The following CRK variants were observed in gnomAD, a reference collection of about 807,000 sequenced individuals.
CRK encodes adapter molecule crk.
In CRK, 4 loss-of-function variants were observed where a neutral mutation model predicts 29.8. That is an observed-to-expected ratio of 0.13 (90% CI 0.07 to 0.31). The LOEUF (loss-of-function observed/expected upper bound fraction) is 0.31. CRK is among the 10% of genes least tolerant of loss of function. CRK has a pLI of 1.00. For missense variants in CRK, 274 were observed against 396.5 expected (o/e 0.69, Z 2.62); for synonymous variants, 153 against 164.9 (o/e 0.93, Z 0.55).
intron 1 of CRK, among the ~76,000 whole-genome samples, chr17:1,453,980 C>G (rs2074037636): frequency 6.6e-6 from 1 of 152,092 alleles, no homozygotes; most frequent in African/African-American, 2.4e-5. Context: ...GCGAGTGGAT[C>G]ACCTGAGATC....
chr17:1,424,067 G>GTTTTTTTT (rs58338503), intron 2 of CRK, among the ~76,000 whole-genome samples: 14 of 109,826 alleles, frequency 1.3e-4, no homozygotes, highest in Non-Finnish European at 2.1e-4. Flanking sequence ...AGCTTTCTCC[G>GTTTTTTTT]TTTTTTTTTT....
intron 2 of CRK, among the ~76,000 whole-genome samples, chr17:1,427,249 C>T (rs115439733): frequency 2.0e-5 from 3 of 148,988 alleles, no homozygotes; most frequent in Admixed American, 1.3e-4. Flanking sequence ...AAGTGCACCA[C>T]TGCACCCCAC....
Position 1,422,873 on chromosome 17 carries a change from T to C in CRK, c.*640A>G. The C allele has an allele frequency of 5.0e-6, 2 of 398,726 alleles. No homozygotes were observed. The highest frequency in any genetic ancestry group is 8.8e-6 in the Non-Finnish European group (2 of 226,100). 24.7% of individuals were successfully genotyped at this position (398,726 alleles called of 1,614,324 possible). A position where few individuals can be genotyped will look rare whatever the true frequency, so the allele number is the denominator to read the frequency against. Reference sequence around the variant, plus strand: ...TGAAAATACACACTTATCTTAGGAATTCACCTACTTACAGGTTTGGGGGAC... The same window carrying C: ...TGAAAATACACACTTATCTTAGGAACTCACCTACTTACAGGTTTGGGGGAC... On this transcript the variant is annotated 3_prime_UTR_variant, in exon 3 of 3. Transcript: ENST00000300574.
At chr17:1,438,166 G>A (rs2073903376) in intron 1 of CRK, among the ~76,000 whole-genome samples, 1 of 152,088 alleles carries the variant, frequency 6.6e-6, no homozygotes, top group African/African-American at 2.4e-5. Flanking sequence ...GTCTCGCTGT[G>A]TCGCTCAAGC....
chr17:1,430,387 C>T (rs548667744), intron 2 of CRK, among the ~76,000 whole-genome samples: 17 of 140,956 alleles, frequency 1.2e-4, no homozygotes, highest in East Asian at 2.3e-4. Flanking sequence ...GACAGAGTCT[C>T]GCTCTGTCGC....
In CRK at chr17:1,436,711, G is replaced by A. The variant is rs748897674; in HGVS notation, c.686C>T (p.Pro229Leu). 18 of 1,610,836 alleles carry A rather than the reference G, an allele frequency of 1.1e-5. No homozygotes were observed. The highest frequency in any genetic ancestry group is 8.5e-5 in the Admixed American group (5 of 59,138). Reference sequence around the variant, plus strand: ...GGGCCCATTCTGGAGGTTAGGGAGCGGAGTGTTGACGCTGGGTTGGGCATA... The same window carrying A: ...GGGCCCATTCTGGAGGTTAGGGAGCAGAGTGTTGACGCTGGGTTGGGCATA... ...GPYAQPSVNT[P>L]LPNLQNGPIY... is the part of the protein sequence containing the mutation. Residue 229 changes from proline (P) to leucine (L), a missense_variant, in exon 2 of 3, where the codon CCG becomes CTG. Physicochemically the swap from Pro to Leu is moderately conservative, Grantham distance 98 (BLOSUM62 -3). Around this residue, in one of 3 missense-constraint regions of CRK, gnomAD observed 121 missense variants for 154.3 expected, o/e 0.78. Transcript: ENST00000300574.
intron 2 of CRK, 121 bp from the exon 3 acceptor site, chr17:1,423,771 C>A: frequency 8.3e-7 from 1 of 1,207,386 alleles, no homozygotes; most frequent in Non-Finnish European, 1.1e-6. Flanking sequence ...ACAGAAATGG[C>A]CATTTGCTGC....
chr17:1,450,372 T>C (rs1017589851), intron 1 of CRK, among the ~76,000 whole-genome samples: 1 of 151,820 alleles, frequency 6.6e-6, no homozygotes, highest in African/African-American at 2.4e-5. Flanking sequence ...CCGGGCATAG[T>C]GGCGGGCGCC....
intron 2 of CRK, among the ~76,000 whole-genome samples, chr17:1,429,791 G>C (rs1228345872): frequency 2.6e-5 from 4 of 151,934 alleles, no homozygotes; most frequent in African/African-American, 9.7e-5. Flanking sequence ...ACATTAGCCA[G>C]GTACAGTGGA....
chr17:1,441,083 G>T (rs563033787), intron 1 of CRK, among the ~76,000 whole-genome samples: 1 of 152,074 alleles, frequency 6.6e-6, no homozygotes, highest in Non-Finnish European at 1.5e-5. Context: ...CTACAGGCAC[G>T]CATCACCACG....
intron 1 of CRK, among the ~76,000 whole-genome samples, chr17:1,447,482 T>TCCC (rs908543511): frequency 2.0e-4 from 31 of 152,028 alleles, no homozygotes; most frequent in African/African-American, 7.2e-4. Context: ...ACAAGGCCAC[T>TCCC]CCCTCCCTGA....
chr17:1,452,045 G>A (rs1270386946), intron 1 of CRK, among the ~76,000 whole-genome samples: 1 of 152,132 alleles, frequency 6.6e-6, no homozygotes, highest in Non-Finnish European at 1.5e-5. Flanking sequence ...GCAAAGTATT[G>A]AGGATATTGA....
intron 1 of CRK, among the ~76,000 whole-genome samples, chr17:1,444,024 T>C (rs1292348237): frequency 6.6e-6 from 1 of 150,722 alleles, no homozygotes; most frequent in Non-Finnish European, 1.5e-5. Flanking sequence ...AATAACGGGG[T>C]TTTGCCATGT....
chr17:1,450,379 C>T (rs1389667757), intron 1 of CRK, among the ~76,000 whole-genome samples: 2 of 151,654 alleles, frequency 1.3e-5, no homozygotes, highest in Non-Finnish European at 2.9e-5. Flanking sequence ...TAGTGGCGGG[C>T]GCCTGTAGTC....
intron 2 of CRK, among the ~76,000 whole-genome samples, chr17:1,430,883 C>A (rs4547394): frequency 1.3e-5 from 2 of 150,746 alleles, no homozygotes; most frequent in South Asian, 2.1e-4. Context: ...CTGGCTAACA[C>A]GGTGAAACCC....
intron 2 of CRK, among the ~76,000 whole-genome samples, chr17:1,430,824 T>C (rs896346888): frequency 6.6e-6 from 1 of 151,424 alleles, no homozygotes; most frequent in Admixed American, 6.6e-5. Flanking sequence ...TCCCAGCACT[T>C]TGGGAGGCCG....
chr17:1,437,177 G>A (rs202210551), intron 1 of CRK, 22 bp from the exon 2 acceptor site: 7 of 1,564,316 alleles, frequency 4.5e-6, no homozygotes, highest in Middle Eastern at 1.7e-4. Flanking sequence ...AGAGCAGGCT[G>A]TTATTTAATG....
At chr17:1,446,721 A>G (rs2073977858) in intron 1 of CRK, among the ~76,000 whole-genome samples, 1 of 151,382 alleles carries the variant, frequency 6.6e-6, no homozygotes, top group Non-Finnish European at 1.5e-5. Flanking sequence ...CCTCCCGAGC[A>G]GCTGGGACTA....
At chr17:1,444,872 G>A (rs1475299909) in intron 1 of CRK, among the ~76,000 whole-genome samples, 1 of 151,080 alleles carries the variant, frequency 6.6e-6, no homozygotes, top group Non-Finnish European at 1.5e-5. Context: ...ATAGGGGCCA[G>A]GCACGATGGC....
Sources: gnomAD v4.1 joint callset for allele counts (sites outside exome capture counted in the v4.1 genomes callset) on GRCh38, gnomAD v4.1.1 for gene constraint, gnomAD v4.1.1 regional missense constraint, MANE v1.5 for transcripts, NCBI Gene and HGNC (gene_info 2026-07-23, HGNC 2026-07-21) for gene names.